The following NCOA3 variants were observed in gnomAD, a reference collection of about 807,000 sequenced individuals.
NCOA3 encodes the protein nuclear receptor coactivator 3.
Under a neutral mutation model 158.8 loss-of-function variants are expected in NCOA3, and 51 were observed. The ratio of observed to expected loss-of-function variants is 0.32; its 90% CI spans 0.26 to 0.41. The LOEUF is 0.41. Among genes scored for constraint, NCOA3 ranks in the 10% least tolerant of loss-of-function variants. The pLI, the probability that NCOA3 is intolerant of heterozygous loss-of-function variation, is 1.00. For synonymous variants in NCOA3, 537 were observed against 592.4 expected (o/e 0.91, Z 1.36); for missense variants, 1,510 against 1,746.6 (o/e 0.86, Z 2.41).
chr20:47,632,381 G>GTTT (rs34786220), intron 8 of NCOA3, among the ~76,000 whole-genome samples: 4 of 135,146 alleles, frequency 3.0e-5, no homozygotes, highest in African/African-American at 5.6e-5. Flanking sequence ...TGTTCAAGAG[G>GTTT]TTTTTTTTTT....
At chr20:47,637,566 T>C in intron 12 of NCOA3, 82 bp from the exon 13 acceptor site, 2 of 1,138,116 alleles carry the variant, frequency 1.8e-6, no homozygotes, top group Non-Finnish European at 2.4e-6. Flanking sequence ...TTCTATTTCA[T>C]GTATCATTTT....
chr20:47,580,062 G>T (rs2085426808), intron 1 of NCOA3, among the ~76,000 whole-genome samples: 1 of 152,142 alleles, frequency 6.6e-6, no homozygotes. Flanking sequence ...ATCTGGGCAT[G>T]CTGACTTTAC....
Position 47,608,716 on chromosome 20 carries a change from A to G in NCOA3, c.-19-13513A>G, listed in dbSNP as rs1222397186. On this transcript the variant is annotated intron_variant, in intron 2 of 22. Transcript: ENST00000371998. ...TATGGTGAATACTGACATAACCCAC[A>G]TAGCAGAAGTTATTACAGGTTTCCA... Among the ~76,000 whole-genome samples, 9 of 152,228 alleles carry G rather than the reference A, an allele frequency of 5.9e-5. No individual in the cohort carries two copies. The South Asian group carries it at 1.9e-3, about 32-fold the overall frequency.
At chr20:47,505,142 A>G (rs183612812) in intron 1 of NCOA3, among the ~76,000 whole-genome samples, 3 of 145,294 alleles carry the variant, frequency 2.1e-5, no homozygotes, top group African/African-American at 7.6e-5. Flanking sequence ...GCTCACTGCA[A>G]CCTCTGCCTC....
intron 1 of NCOA3, among the ~76,000 whole-genome samples, chr20:47,575,827 C>T (rs2085365221): frequency 6.6e-6 from 1 of 152,158 alleles, no homozygotes; most frequent in African/African-American, 2.4e-5. Context: ...TAGGATTTGA[C>T]TAATCATTTT....
chr20:47,528,813 GC>G (rs1390413461), intron 1 of NCOA3, among the ~76,000 whole-genome samples: 2 of 151,792 alleles, frequency 1.3e-5, no homozygotes, highest in Non-Finnish European at 2.9e-5. Flanking sequence ...CGCTTTTGTT[GC>G]CCAGGCTGAA....
intron 1 of NCOA3, among the ~76,000 whole-genome samples, chr20:47,570,397 G>A (rs915458791): frequency 5.9e-5 from 9 of 152,164 alleles, no homozygotes; most frequent in African/African-American, 1.9e-4. Context: ...GCTGTGGTAC[G>A]CCACTGCATT....
intron 2 of NCOA3, among the ~76,000 whole-genome samples, chr20:47,594,789 T>A (rs1274830689): frequency 3.2e-5 from 1 of 31,094 alleles, no homozygotes; most frequent in Non-Finnish European, 4.8e-5. Context: ...GAATACCTGA[T>A]TTTTTTTTTT....
rs751786359 is a variant in NCOA3 at position 47,622,224 on chromosome 20, C to G, written c.-19-5C>G. On this transcript the variant is annotated splice_region_variant and splice_polypyrimidine_tract_variant and intron_variant, in intron 2 of 22. Transcript: ENST00000371998. ...CTTATCTTATTTCTCATTATTCTCT[C>G]TTAGTTGCTGATGTATATTCAAGAT... The G allele has an allele frequency of 6.9e-7, 1 of 1,451,334 alleles. No individual in the cohort carries two copies. The highest frequency in any genetic ancestry group is 2.3e-5 in the East Asian group (1 of 43,310). The allele number at this position is 1,451,334 out of a possible 1,614,324, so 89.9% of individuals were successfully genotyped here. A position where few individuals can be genotyped will look rare whatever the true frequency, so the allele number is the denominator to read the frequency against.
intron 1 of NCOA3, among the ~76,000 whole-genome samples, chr20:47,512,519 CAT>C (rs2084161875): frequency 6.8e-6 from 1 of 146,110 alleles, no homozygotes; most frequent in African/African-American, 2.6e-5. Context: ...AGTGTGCCGA[CAT>C]AGCGCCACTG....
At chr20:47,549,110 T>G (rs1176972549) in intron 1 of NCOA3, among the ~76,000 whole-genome samples, 1 of 152,090 alleles carries the variant, frequency 6.6e-6, no homozygotes, top group African/African-American at 2.4e-5. Flanking sequence ...GCTCTTGGGC[T>G]CAAGTGATCC....
chr20:47,599,482 A>C (rs1051306970), intron 2 of NCOA3, among the ~76,000 whole-genome samples: 1 of 152,208 alleles, frequency 6.6e-6, no homozygotes, highest in African/African-American at 2.4e-5. Context: ...TGAGAGTTAC[A>C]CAACTCTGAA....
chr20:47,635,048 C>T (rs2086488504), intron 10 of NCOA3, among the ~76,000 whole-genome samples: 1 of 151,674 alleles, frequency 6.6e-6, no homozygotes, highest in Non-Finnish European at 1.5e-5. Flanking sequence ...CCCACCGCAG[C>T]CTCCTGAATA....
Position 47,627,634 on chromosome 20 carries a change from A to G in NCOA3, c.606A>G (p.Lys202=). ...CATTTAATTGCCGTATGTTGATGAA[A>G]ACACCACATGATATTCTGGAAGACA... The part of the protein sequence containing the change: ...SHTFNCRMLM[K]TPHDILEDIN... The change falls in exon 7 of 23, where the codon AAA becomes AAG. Residue 202 remains lysine (K), a synonymous_variant. Transcript: ENST00000371998. 1 of 1,614,170 alleles carries G rather than the reference A, an allele frequency of 6.2e-7. No homozygotes were observed. Among genetic ancestry groups the G allele is most frequent in the Non-Finnish European group, 8.5e-7 (1 of 1,179,998 alleles).
At chr20:47,545,165 A>T (rs1602379561) in intron 1 of NCOA3, among the ~76,000 whole-genome samples, 17 of 124,480 alleles carry the variant, frequency 1.4e-4, no homozygotes, top group Non-Finnish European at 1.7e-4. Context: ...TTGTTTAGAT[A>T]TCCATAGGAT....
In NCOA3 at chr20:47,647,289, G is replaced by C; in HGVS notation, c.3469G>C (p.Ala1157Pro). 1 of 1,614,164 alleles carries C rather than the reference G, an allele frequency of 6.2e-7. No homozygotes were observed. Among genetic ancestry groups the C allele is most frequent in the African/African-American group, 1.3e-5 (1 of 75,016 alleles). Residue 1157 changes from alanine (A) to proline (P), a missense_variant, in exon 18 of 23, where the codon GCC (alanine) becomes CCC (proline). Physicochemically the swap from Ala to Pro is conservative, Grantham distance 27. This residue lies in a region of NCOA3 where 1,017 missense variants were observed against 1,098.3 expected (regional missense o/e 0.93). Transcript: ENST00000371998. ...TCCTCTCCAAGGAATGCACCCACGA[G>C]CCAACATCATGAGACCCCGGACAAA... ...NFPLQGMHPR[A>P]NIMRPRTNTP... is the part of the protein sequence containing the mutation.
chr20:47,632,336 A>T (rs1349907235), intron 8 of NCOA3, among the ~76,000 whole-genome samples: 1 of 150,922 alleles, frequency 6.6e-6, no homozygotes, highest in Non-Finnish European at 1.5e-5. Flanking sequence ...CCAGCACCTT[A>T]ATGTACTCAT....
At position 47,640,045 on chromosome 20, in the gene NCOA3, A is replaced by G; in HGVS notation, c.3074A>G (p.Gln1025Arg). The change falls in exon 16 of 23, where the codon CAA (glutamine) becomes CGA (arginine). Residue 1025 changes from glutamine to arginine, a missense_variant. Coordinates refer to ENST00000371998, the MANE Select transcript of NCOA3 (RefSeq NM_181659.3). ...ATGGAACAAGTTTCTCATGGCACTC[A>G]AAATAGGTGGGGTGTTATTTTGTGA... ...LSMEQVSHGT[Q>R]NRPLLRNSLD... 6.2e-7 allele frequency: 1 copy of G among 1,614,158 alleles called. No individual in the cohort carries two copies. The highest frequency in any genetic ancestry group is 8.5e-7 in the Non-Finnish European group (1 of 1,180,016).
At chr20:47,593,293 C>G (rs995006761) in intron 2 of NCOA3, among the ~76,000 whole-genome samples, 1 of 145,520 alleles carries the variant, frequency 6.9e-6, no homozygotes, top group Admixed American at 7.0e-5. Context: ...TTCATTGTCT[C>G]GGAAATTAAC....
Sources: allele counts gnomAD v4.1 joint callset (sites outside exome capture counted in the v4.1 genomes callset), GRCh38; gene constraint gnomAD v4.1.1; regional missense constraint gnomAD v4.1.1; transcripts MANE v1.5; gene names NCBI Gene and HGNC (gene_info 2026-07-23, HGNC 2026-07-21).